DSCAML1: variants seen among roughly 807,000 people sequenced by gnomAD.
The protein encoded by DSCAML1 is cell adhesion molecule DSCAML1.
Under a neutral mutation model 200.5 loss-of-function variants are expected in DSCAML1, and 38 were observed. That is an observed-to-expected ratio of 0.19 (90% confidence interval 0.15 to 0.25). The LOEUF (loss-of-function observed/expected upper bound fraction) is 0.25. Ranked by LOEUF, DSCAML1 falls within the 10% of genes least tolerant of loss-of-function variation. DSCAML1 has a pLI of 1.00. For synonymous variants in DSCAML1, 1,215 were observed against 1,165.0 expected, an observed-to-expected ratio of 1.04 and a Z score of -0.87; for missense variants, 2,223 against 2,858.8, an observed-to-expected ratio of 0.78 and a Z score of 5.07.
chr11:117,685,472 G>C (rs998673406), intron 3 of DSCAML1, among the ~76,000 whole-genome samples: 2 of 152,210 alleles, frequency 1.3e-5, no homozygotes, highest in African/African-American at 2.4e-5. Flanking sequence ...GCACAGTTGG[G>C]CCCAGGTAGA....
At chr11:117,768,316 A>G (rs1305981580) in intron 3 of DSCAML1, among the ~76,000 whole-genome samples, 1 of 152,150 alleles carries the variant, frequency 6.6e-6, no homozygotes, top group East Asian at 1.9e-4. Flanking sequence ...CTATTCAGTT[A>G]TTATCATGGA....
At chr11:117,509,234 A>G (rs904971582) in intron 8 of DSCAML1, among the ~76,000 whole-genome samples, 1 of 152,086 alleles carries the variant, frequency 6.6e-6, no homozygotes, top group African/African-American at 2.4e-5. Context: ...ATTTGAGCTG[A>G]GAGTTAAAGG....
chr11:117,707,133 G>A (rs1447141926), intron 3 of DSCAML1, among the ~76,000 whole-genome samples: 3 of 152,194 alleles, frequency 2.0e-5, no homozygotes, highest in East Asian at 1.9e-4. Context: ...GGGTGTCAGT[G>A]CCTCAAGTTC....
intron 20 of DSCAML1, among the ~76,000 whole-genome samples, chr11:117,450,048 G>A (rs1033892349): frequency 6.6e-6 from 1 of 152,196 alleles, no homozygotes; most frequent in African/African-American, 2.4e-5. Context: ...CTGAGCCCAG[G>A]CCCTGGTCGA....
intron 3 of DSCAML1, among the ~76,000 whole-genome samples, chr11:117,734,035 A>G (rs1333337505): frequency 1.3e-5 from 2 of 151,444 alleles, no homozygotes; most frequent in Non-Finnish European, 2.9e-5. Flanking sequence ...CATGCATGTA[A>G]GCATGCATCT....
chr11:117,803,261 C>T (rs926779501), intron 1 of DSCAML1, among the ~76,000 whole-genome samples: 6 of 152,042 alleles, frequency 3.9e-5, no homozygotes, highest in African/African-American at 1.2e-4. Context: ...GTGCCTGCAC[C>T]AGGGGTGTGT....
At position 117,498,524 on chromosome 11, in the gene DSCAML1, C is replaced by A. The variant is rs1309604920; in HGVS notation, c.2359+5321G>T. ...CTGTGGAAGGGGTGGGGGCCCCAGT[C>A]CCCCAGGTCTCAGGGAGGTGCTGCT... is the stretch of plus-strand genomic sequence containing the variant. On this transcript the variant is annotated intron_variant, in intron 11 of 32. Transcript: ENST00000651296. The surrounding 1 kb of genome is among the most constrained non-coding windows in gnomAD (Gnocchi z 4.0). 6.6e-6 allele frequency among the ~76,000 whole-genome samples: 1 copy of A among 152,152 alleles called. No individual in the cohort carries two copies. Among genetic ancestry groups the A allele is most frequent in the Non-Finnish European group, 1.5e-5 (1 of 68,016 alleles).
intron 3 of DSCAML1, among the ~76,000 whole-genome samples, chr11:117,620,732 T>C (rs551836870): frequency 6.6e-6 from 1 of 152,370 alleles, no homozygotes. Context: ...ATGAAGAGTC[T>C]GTGTGAAATA....
intron 3 of DSCAML1, among the ~76,000 whole-genome samples, chr11:117,688,461 T>C (rs915060532): frequency 2.0e-5 from 3 of 152,190 alleles, no homozygotes; most frequent in African/African-American, 7.2e-5. Flanking sequence ...TCTCACCTCC[T>C]CAGCCCAACA....
chr11:117,525,032 A>G lies in DSCAML1; in HGVS notation c.710T>C (p.Val237Ala), dbSNP rs1344865482. 3 of 1,596,078 alleles carry G rather than the reference A, an allele frequency of 1.9e-6. No individual in the cohort carries two copies. Among genetic ancestry groups the G allele is most frequent in the African/African-American group, 1.3e-5 (1 of 74,502 alleles). ...CAGCTCCACGGTGTGGCCGGCCCAC[A>G]CTTCCTGGGAGTGGAAGCCATCCAG... ...TILDGFHSQE[V>A]WAGHTVELPC... The change falls in exon 5 of 33, where the codon GTG becomes GCG. Residue 237 changes from valine to alanine, a missense_variant. Physicochemically the swap from Val to Ala is moderately conservative, Grantham distance 64. Transcript: ENST00000651296.
intron 3 of DSCAML1, among the ~76,000 whole-genome samples, chr11:117,533,617 G>A (rs1005748124): frequency 1.3e-5 from 2 of 152,192 alleles, no homozygotes; most frequent in Non-Finnish European, 2.9e-5. Context: ...AGCCATCTCT[G>A]CCCCGACTGT....
chr11:117,669,388 A>G (rs1232378777), intron 3 of DSCAML1, among the ~76,000 whole-genome samples: 1 of 152,194 alleles, frequency 6.6e-6, no homozygotes, highest in African/African-American at 2.4e-5. Flanking sequence ...GAGACCTTCA[A>G]GGTCCCCATC....
upstream of DSCAML1, among the ~76,000 whole-genome samples, chr11:117,798,597 AAAT>A (rs559767397): frequency 1.5e-3 from 231 of 152,198 alleles, no homozygotes; most frequent in African/African-American, 4.8e-3. Context: ...TGCACCCATT[AAAT>A]AATAACTCCC....
chr11:117,574,485 C>T (rs2050899001), intron 3 of DSCAML1, among the ~76,000 whole-genome samples: 1 of 152,214 alleles, frequency 6.6e-6, no homozygotes, highest in Non-Finnish European at 1.5e-5. Flanking sequence ...GCTCTTAGGC[C>T]TCTGCCAGAG....
At chr11:117,636,926 G>A (rs2137584373) in intron 3 of DSCAML1, among the ~76,000 whole-genome samples, 1 of 152,284 alleles carries the variant, frequency 6.6e-6, no homozygotes, top group South Asian at 2.1e-4. Context: ...ACAAGATAGA[G>A]GAACTACTTC....
chr11:117,739,646 A>G (rs1273029385), intron 3 of DSCAML1, among the ~76,000 whole-genome samples: 1 of 152,210 alleles, frequency 6.6e-6, no homozygotes, highest in East Asian at 1.9e-4. Flanking sequence ...GACTCTGTGC[A>G]TGGTTATTCA....
intron 3 of DSCAML1, among the ~76,000 whole-genome samples, chr11:117,547,444 G>A (rs1250752978): frequency 6.6e-6 from 1 of 152,084 alleles, no homozygotes; most frequent in Non-Finnish European, 1.5e-5. Context: ...CTAAGGCGCG[G>A]CCCCACCCTT....
intron 3 of DSCAML1, among the ~76,000 whole-genome samples, chr11:117,563,719 G>T (rs1456120370): frequency 6.6e-6 from 1 of 152,142 alleles, no homozygotes; most frequent in African/African-American, 2.4e-5. Context: ...CCTCAAAGCG[G>T]AATTGATTGA....
At chr11:117,433,371 G>A (rs1380428792) in intron 28 of DSCAML1, 70 bp downstream of exon 28, 23 of 1,594,068 alleles carry the variant, frequency 1.4e-5, no homozygotes, top group African/African-American at 9.4e-5. Context: ...AGTTCAGAGC[G>A]AGGCTCCTGG....
Sources: gnomAD v4.1 joint callset for allele counts (sites outside exome capture counted in the v4.1 genomes callset) on GRCh38, gnomAD v4.1.1 for gene constraint, Gnocchi (gnomAD v3.1) non-coding constraint, MANE v1.5 for transcripts, NCBI Gene and HGNC (gene_info 2026-07-23, HGNC 2026-07-21) for gene names.